C1D: variants seen among roughly 807,000 people sequenced by gnomAD.
The protein encoded by C1D is nuclear nucleic acid-binding protein C1D.
In C1D, 10 loss-of-function variants were observed where a neutral mutation model predicts 17.5. That is an observed-to-expected ratio of 0.57 (90% CI 0.35 to 0.97). C1D has a LOEUF of 0.97. Ranked by LOEUF, C1D falls within the 50% of genes least tolerant of loss-of-function variation. C1D has a pLI of 0.01. For synonymous variants in C1D, 49 were observed against 54.0 expected (o/e 0.91, Z 0.40); for missense variants, 136 against 160.1 (o/e 0.85, Z 0.81).
At chr2:68,053,314 T>C (rs376690800) in intron 1 of C1D, 150 of 1,182,584 alleles carry the variant, frequency 1.3e-4, no homozygotes, top group Middle Eastern at 2.7e-4. Flanking sequence ...AAAGTACCGA[T>C]AGGAGAAAAC....
intron 1 of C1D, among the ~76,000 whole-genome samples, chr2:68,054,962 A>C (rs962383652): frequency 6.9e-6 from 1 of 144,940 alleles, no homozygotes; most frequent in East Asian, 2.1e-4. Flanking sequence ...CAAGGCCCAC[A>C]TCCTTTCTTT....
intron 1 of C1D, among the ~76,000 whole-genome samples, chr2:68,054,384 T>C (rs760057417): frequency 1.2e-4 from 19 of 152,142 alleles, no homozygotes; most frequent in African/African-American, 3.1e-4. Flanking sequence ...CTGGTTTACA[T>C]AGGGCAGGCT....
intron 1 of C1D, among the ~76,000 whole-genome samples, chr2:68,052,768 T>C (rs1671326847): frequency 1.3e-5 from 2 of 152,190 alleles, no homozygotes; most frequent in South Asian, 4.1e-4. Context: ...ATTCAATTGA[T>C]TTCTACTAAC....
In C1D at chr2:68,046,520, AAAG is replaced by A. The variant is rs1283402559; in HGVS notation, c.139-113_139-111del. On this transcript the variant is annotated intron_variant, in intron 2 of 4. Transcript: ENST00000410067. ...TGACTTTTACCAAGTACAATGTATC[AAAG>A]AAGTTTTTTTCACTTCATATAATCC... 4 of 704,742 alleles carry A rather than the reference AAAG, an allele frequency of 5.7e-6. No homozygotes were observed. In the Admixed American group the frequency reaches 9.3e-5, roughly 16 times the overall value. 43.7% of individuals were successfully genotyped at this position (704,742 alleles called of 1,614,324 possible). A position where few individuals can be genotyped will look rare whatever the true frequency, so the allele number is the denominator to read the frequency against.
At chr2:68,061,474 C>T (rs186123117) in intron 1 of C1D, among the ~76,000 whole-genome samples, 193 of 152,266 alleles carry the variant, frequency 1.3e-3, no homozygotes, top group African/African-American at 4.3e-3. Flanking sequence ...AAATTAAATT[C>T]ACTTCTATTC....
intron 1 of C1D, among the ~76,000 whole-genome samples, chr2:68,058,321 A>C (rs1201633470): frequency 6.6e-6 from 1 of 152,264 alleles, no homozygotes; most frequent in Non-Finnish European, 1.5e-5. Context: ...TTAATCAAAG[A>C]ATCACAGAAA....
chr2:68,043,411 T>C (rs1177861484), intron 4 of C1D, among the ~76,000 whole-genome samples: 1 of 152,192 alleles, frequency 6.6e-6, no homozygotes, highest in Non-Finnish European at 1.5e-5. Context: ...CTGTTTTGTA[T>C]CTAAAGTAAA....
chr2:68,051,354 A>G (rs189929991), intron 1 of C1D, among the ~76,000 whole-genome samples: 432 of 152,110 alleles, frequency 2.8e-3, no homozygotes, highest in African/African-American at 9.9e-3. Context: ...CCCCATATCT[A>G]TAATTAAAAT....
intron 1 of C1D, among the ~76,000 whole-genome samples, chr2:68,051,084 C>T (rs1671266414): frequency 6.6e-6 from 1 of 152,210 alleles, no homozygotes; most frequent in African/African-American, 2.4e-5. Context: ...GCCTGAATGC[C>T]CTCCTAAATA....
intron 1 of C1D, among the ~76,000 whole-genome samples, chr2:68,048,183 C>T (rs1193315902): frequency 6.6e-6 from 1 of 152,112 alleles, no homozygotes; most frequent in Admixed American, 6.6e-5. Context: ...ACAGCCCATG[C>T]TTTAAAAATT....
chr2:68,054,861 G>A (rs1253664073), intron 1 of C1D, among the ~76,000 whole-genome samples: 1 of 151,850 alleles, frequency 6.6e-6, no homozygotes, highest in Non-Finnish European at 1.5e-5. Context: ...AGCTACTCAG[G>A]AGGCTGAGGT....
In C1D at chr2:68,041,288, T is replaced by C. The variant is rs576344405; in HGVS notation, c.*1601A>G. On this transcript the variant is annotated 3_prime_UTR_variant, in exon 5 of 5. Coordinates refer to ENST00000410067, the MANE Select transcript of C1D (RefSeq NM_173177.3). ...GTAGAGGTGCACTTTCATAAACCAATAACTTAGCTAAAACCAATAATGATT... is the reference window on the plus strand; with the variant it reads ...GTAGAGGTGCACTTTCATAAACCAACAACTTAGCTAAAACCAATAATGATT... 1 of 152,178 alleles carries C rather than the reference T, an allele frequency of 6.6e-6. No individual in the cohort carries two copies. Among genetic ancestry groups the C allele is most frequent in the Admixed American group, 6.5e-5 (1 of 15,288 alleles). The allele number at this position is 152,178 out of a possible 1,614,324, so 9.4% of individuals were successfully genotyped here.
intron 1 of C1D, among the ~76,000 whole-genome samples, chr2:68,052,502 C>A (rs77407360): frequency 2.0e-5 from 3 of 152,116 alleles, no homozygotes; most frequent in Non-Finnish European, 4.4e-5. Flanking sequence ...AATTTTCCTA[C>A]GAGAAAATAT....
rs1670990906 is a variant in C1D, at chr2:68,042,622, A to G, written c.*267T>C. 4.5e-6 allele frequency: 1 copy of G among 223,962 alleles called. No homozygotes were observed. Among genetic ancestry groups the G allele is most frequent in the South Asian group, 6.4e-5 (1 of 15,634 alleles). 13.9% of individuals were successfully genotyped at this position (223,962 alleles called of 1,614,324 possible). A position where few individuals can be genotyped will look rare whatever the true frequency, so the allele number is the denominator to read the frequency against. Reference sequence around the variant, plus strand: ...AGCTGCTTATAAAATGGTACTTGCAAGACTGACCTATATAAAGAAATAAGA... The same window carrying G: ...AGCTGCTTATAAAATGGTACTTGCAGGACTGACCTATATAAAGAAATAAGA... On this transcript the variant is annotated 3_prime_UTR_variant, in exon 5 of 5. Coordinates refer to ENST00000410067, the MANE Select transcript of C1D (RefSeq NM_173177.3).
chr2:68,060,159 TTC>T (rs1671577514), intron 1 of C1D, among the ~76,000 whole-genome samples: 1 of 152,224 alleles, frequency 6.6e-6, no homozygotes, highest in Non-Finnish European at 1.5e-5. Flanking sequence ...CTGTAAGCAA[TTC>T]TGTTTGCTTT....
intron 4 of C1D, among the ~76,000 whole-genome samples, chr2:68,044,109 C>T (rs763935191): frequency 2.6e-5 from 4 of 152,222 alleles, no homozygotes; most frequent in African/African-American, 4.8e-5. Flanking sequence ...CCTATCCAAG[C>T]ACTCCAGTCC....
chr2:68,056,154 G>GC lies in C1D; in HGVS notation c.-10+6803dup, dbSNP rs1392392789. Reference sequence around the variant, plus strand: ...AAAAATCCTTTTGAGACAGAGTCTTGCTGTCTCGCCCAAGCTGGAGTGCAG... The same window carrying GC: ...AAAAATCCTTTTGAGACAGAGTCTTGCCTGTCTCGCCCAAGCTGGAGTGCAG... On this transcript the variant is annotated intron_variant, in intron 1 of 4. Coordinates refer to ENST00000410067, the MANE Select transcript of C1D (RefSeq NM_173177.3). 5.9e-5 allele frequency among the ~76,000 whole-genome samples: 9 copies of GC among 152,290 alleles called. No homozygotes were observed. In the East Asian group the frequency reaches 1.7e-3, roughly 29 times the overall value.
intron 1 of C1D, among the ~76,000 whole-genome samples, chr2:68,060,837 T>C (rs1671608249): frequency 6.6e-6 from 1 of 152,252 alleles, no homozygotes; most frequent in Admixed American, 6.5e-5. Context: ...GGAAGATTCA[T>C]GTCGAGGCAC....
At chr2:68,061,825 A>T (rs1477843445) in intron 1 of C1D, among the ~76,000 whole-genome samples, 1 of 152,244 alleles carries the variant, frequency 6.6e-6, no homozygotes, top group Non-Finnish European at 1.5e-5. Context: ...TTAAGAAAAA[A>T]ATTACATTAC....
Sources: gnomAD v4.1 joint callset for allele counts (sites outside exome capture counted in the v4.1 genomes callset) on GRCh38, gnomAD v4.1.1 for gene constraint, MANE v1.5 for transcripts, NCBI Gene and HGNC (gene_info 2026-07-23, HGNC 2026-07-21) for gene names.